HDAC9: variants seen among roughly 807,000 people sequenced by gnomAD.
The protein encoded by HDAC9 is histone deacetylase 9.
Under a neutral mutation model 139.4 loss-of-function variants are expected in HDAC9, and 41 were observed. The observed-to-expected ratio is 0.29, with a 90% CI of 0.23 to 0.38. The LOEUF (loss-of-function observed/expected upper bound fraction) is 0.38. HDAC9 is among the 10% of genes least tolerant of loss of function. The pLI is 1.00. For missense variants in HDAC9, 1,147 were observed against 1,297.0 expected (o/e 0.88, Z 1.78); for synonymous variants, 517 against 476.2 (o/e 1.09, Z -1.12).
At chr7:18,615,309 T>C (rs1014647788) in intron 6 of HDAC9, among the ~76,000 whole-genome samples, 1 of 152,188 alleles carries the variant, frequency 6.6e-6, no homozygotes, top group Non-Finnish European at 1.5e-5. Context: ...TTCTTAGAAA[T>C]AGGCCTATCA....
rs148830689 is a variant in HDAC9, at chr7:18,928,269, C to A, written c.2804-7540C>A. ...AAACAGATTTTGTGGGAGAATCTCT[C>A]ATTTCTCTGAGCTTCTATCAAAACA... On this transcript the variant is annotated intron_variant, in intron 22 of 25. Coordinates refer to ENST00000686413, the MANE Select transcript of HDAC9 (RefSeq NM_178425.4). Among the ~76,000 whole-genome samples, 398 of 152,304 alleles carry A rather than the reference C, an allele frequency of 2.6e-3. 1 individual carries two copies. The highest frequency in any genetic ancestry group is 0.014 in the Middle Eastern group (4 of 294).
intron 19 of HDAC9, among the ~76,000 whole-genome samples, chr7:18,834,771 A>G (rs1482266048): frequency 2.0e-5 from 3 of 152,240 alleles, no homozygotes; most frequent in African/African-American, 7.2e-5. Flanking sequence ...GTTTTTTTGC[A>G]TCTGGCTTCT....
At chr7:18,102,927 C>G (rs1280826745) in intron 1 of HDAC9, among the ~76,000 whole-genome samples, 1 of 152,138 alleles carries the variant, frequency 6.6e-6, no homozygotes, top group African/African-American at 2.4e-5. Flanking sequence ...GGCAGAGCAA[C>G]AAGATTTTTA....
chr7:18,794,703 T>C (rs1000217195), intron 17 of HDAC9, among the ~76,000 whole-genome samples: 1 of 152,220 alleles, frequency 6.6e-6, no homozygotes, highest in Non-Finnish European at 1.5e-5. Flanking sequence ...CCAGTAGAAC[T>C]TGAGGAAAAA....
Position 18,469,024 on chromosome 7 carries a change from A to G in HDAC9, c.-41-27238A>G, listed in dbSNP as rs112544129. 8.0e-3 allele frequency among the ~76,000 whole-genome samples: 1,221 copies of G among 152,244 alleles called. 17 individuals are homozygous for G. The highest frequency in any genetic ancestry group is 0.028 in the African/African-American group (1,158 of 41,536). On this transcript the variant is annotated intron_variant, in intron 1 of 3. Transcript: ENST00000413509. Reference sequence around the variant, plus strand: ...ATCTTACTCATCCTGCCATTTCTCTAAGTCTTATAATCACCTACTCTACAT... The same window carrying G: ...ATCTTACTCATCCTGCCATTTCTCTGAGTCTTATAATCACCTACTCTACAT...
intron 21 of HDAC9, among the ~76,000 whole-genome samples, chr7:18,837,330 T>A (rs117411798): frequency 0.028 from 4,239 of 152,048 alleles, 92 homozygotes; most frequent in Admixed American, 0.046. Flanking sequence ...AAATAAAAAA[T>A]TATGTTAAAA....
chr7:18,936,596 A>G (rs1165317216), intron 23 of HDAC9, among the ~76,000 whole-genome samples: 1 of 152,214 alleles, frequency 6.6e-6, no homozygotes, highest in Non-Finnish European at 1.5e-5. Context: ...CAACATTTTC[A>G]ACCAATTAGT....
chr7:18,879,296 C>G (rs189170435), intron 22 of HDAC9, among the ~76,000 whole-genome samples: 32 of 152,140 alleles, frequency 2.1e-4, no homozygotes, highest in Non-Finnish European at 4.1e-4. Context: ...CTTCACAGAA[C>G]TAGAAGAAAA....
intron 6 of HDAC9, among the ~76,000 whole-genome samples, chr7:18,628,350 A>G (rs1781337527): frequency 1.3e-5 from 2 of 152,170 alleles, no homozygotes; most frequent in African/African-American, 2.4e-5. Flanking sequence ...AATTATAAAT[A>G]GGCATAGGCT....
At chr7:18,599,267 G>A (rs188041953) in intron 6 of HDAC9, among the ~76,000 whole-genome samples, 8 of 152,232 alleles carry the variant, frequency 5.3e-5, no homozygotes, top group Non-Finnish European at 8.8e-5. Flanking sequence ...CATCAATGTG[G>A]TACATTTGTT....
intron 2 of HDAC9, among the ~76,000 whole-genome samples, chr7:18,525,574 T>A (rs1309955241): frequency 6.6e-6 from 1 of 152,192 alleles, no homozygotes; most frequent in Non-Finnish European, 1.5e-5. Context: ...TTTTGTAAAC[T>A]GCATTGCTTT....
At chr7:18,175,971 T>C (rs545177035) in intron 2 of HDAC9, among the ~76,000 whole-genome samples, 1 of 152,156 alleles carries the variant, frequency 6.6e-6, no homozygotes, top group Non-Finnish European at 1.5e-5. Context: ...GATTTTTCCT[T>C]TGGAGCTGGA....
intron 22 of HDAC9, among the ~76,000 whole-genome samples, chr7:18,887,091 G>A (rs1240533776): frequency 6.6e-6 from 1 of 152,188 alleles, no homozygotes; most frequent in Non-Finnish European, 1.5e-5. Flanking sequence ...AAGTAATCAA[G>A]GAAATCTTGG....
At chr7:18,585,183 G>T (rs183168764) in intron 2 of HDAC9, 98 bp from the exon 3 acceptor site, 1 of 1,345,522 alleles carries the variant, frequency 7.4e-7, no homozygotes, top group Non-Finnish European at 1.0e-6. Context: ...TTGTTGTACA[G>T]GGTCTTATAC....
intron 2 of HDAC9, among the ~76,000 whole-genome samples, chr7:18,540,064 C>G (rs1812252740): frequency 1.4e-5 from 2 of 147,450 alleles, no homozygotes; most frequent in South Asian, 4.4e-4. Context: ...TCGAGACCAG[C>G]CTGGCCAACA....
intron 1 of HDAC9, among the ~76,000 whole-genome samples, chr7:18,443,906 A>C (rs1438688348): frequency 2.0e-5 from 3 of 151,684 alleles, no homozygotes; most frequent in Admixed American, 6.6e-5. Flanking sequence ...CATTTGTATA[A>C]ACATACATTT....
chr7:18,436,407 A>G (rs1157205628), intron 1 of HDAC9, among the ~76,000 whole-genome samples: 1 of 152,178 alleles, frequency 6.6e-6, no homozygotes, highest in Non-Finnish European at 1.5e-5. Flanking sequence ...TGGTAAGGTA[A>G]ATGGGAAAAG....
chr7:18,341,734 AT>A (rs1459862199), intron 1 of HDAC9, among the ~76,000 whole-genome samples: 1 of 151,452 alleles, frequency 6.6e-6, no homozygotes, highest in Non-Finnish European at 1.5e-5. Flanking sequence ...TGATTGATTA[AT>A]TTTTCCTTAT....
At chr7:18,130,572 A>G (rs1784938385) in intron 1 of HDAC9, among the ~76,000 whole-genome samples, 1 of 152,152 alleles carries the variant, frequency 6.6e-6, no homozygotes, top group Non-Finnish European at 1.5e-5. Context: ...AGTGGTCGTT[A>G]GTATATTCAC....
Sources: allele counts gnomAD v4.1 joint callset (sites outside exome capture counted in the v4.1 genomes callset), GRCh38; gene constraint gnomAD v4.1.1; transcripts MANE v1.5; gene names NCBI Gene and HGNC (gene_info 2026-07-23, HGNC 2026-07-21).